The following GLRA1 variants were observed in gnomAD, a reference collection of about 807,000 sequenced individuals.
GLRA1 encodes the protein glycine receptor subunit alpha-1.
In GLRA1, 37 loss-of-function variants were observed where a neutral mutation model predicts 48.3. The observed-to-expected ratio is 0.77, with a 90% CI of 0.59 to 1.01. The LOEUF (loss-of-function observed/expected upper bound fraction) is 1.01. GLRA1 is among the 50% of genes least tolerant of loss of function. The pLI, the probability that GLRA1 is intolerant of heterozygous loss-of-function variation, is 0.00. For synonymous variants in GLRA1, 196 were observed against 210.7 expected (o/e 0.93, Z 0.60); for missense variants, 427 against 571.0 (o/e 0.75, Z 2.57).
chr5:151,906,024 G>T (rs896406029), intron 1 of GLRA1, among the ~76,000 whole-genome samples: 5 of 152,146 alleles, frequency 3.3e-5, no homozygotes, highest in Non-Finnish European at 5.9e-5. Flanking sequence ...GAAATGGGGG[G>T]TGGGATAACA....
intron 3 of GLRA1, among the ~76,000 whole-genome samples, chr5:151,863,814 T>A (rs555510071): frequency 6.6e-6 from 1 of 152,196 alleles, no homozygotes; most frequent in Non-Finnish European, 1.5e-5. Flanking sequence ...CCCTCACCCC[T>A]GCTCAATTCC....
chr5:151,842,812 T>C (rs903166776), intron 7 of GLRA1, among the ~76,000 whole-genome samples: 1 of 152,230 alleles, frequency 6.6e-6, no homozygotes, highest in African/African-American at 2.4e-5. Context: ...AAGCCATCTC[T>C]ATTTGTACAT....
At chr5:151,844,242 TA>T (rs1284800642) in intron 7 of GLRA1, among the ~76,000 whole-genome samples, 2 of 151,714 alleles carry the variant, frequency 1.3e-5, no homozygotes, top group Non-Finnish European at 2.9e-5. Flanking sequence ...GCCAAAGACC[TA>T]AACATAAGAG....
At chr5:151,863,219 A>G (rs995494976) in intron 3 of GLRA1, among the ~76,000 whole-genome samples, 1 of 152,306 alleles carries the variant, frequency 6.6e-6, no homozygotes, top group East Asian at 1.9e-4. Flanking sequence ...CCTGGCCAAC[A>G]TGATGATACC....
At chr5:151,871,421 A>G (rs1308788717) in intron 3 of GLRA1, among the ~76,000 whole-genome samples, 4 of 149,792 alleles carry the variant, frequency 2.7e-5, no homozygotes, top group South Asian at 4.2e-4. Flanking sequence ...ATTTAAAAAA[A>G]TCAAAAACTT....
chr5:151,923,540 T>A (rs567854543), intron 1 of GLRA1, among the ~76,000 whole-genome samples: 1 of 152,334 alleles, frequency 6.6e-6, no homozygotes, highest in East Asian at 1.9e-4. Context: ...TAAGTGGAAT[T>A]TATCATAGCC....
rs555978751 is a variant in GLRA1, at chr5:151,827,438, G to T, written c.1059+1483C>A. On this transcript the variant is annotated intron_variant, in intron 8 of 8. Coordinates refer to ENST00000274576, the MANE Select transcript of GLRA1 (RefSeq NM_000171.4). Reference sequence around the variant, plus strand: ...AAGAAACATACTGATGGAAATGTGTGTATATGTAATCATTTTAATCCTTGG... The same window carrying T: ...AAGAAACATACTGATGGAAATGTGTTTATATGTAATCATTTTAATCCTTGG... 9.2e-5 allele frequency among the ~76,000 whole-genome samples: 14 copies of T among 152,268 alleles called. No homozygotes were observed. The South Asian group carries it at 2.7e-3, about 29-fold the overall frequency.
intron 1 of GLRA1, among the ~76,000 whole-genome samples, chr5:151,905,889 C>T (rs1159647721): frequency 6.6e-6 from 1 of 152,216 alleles, no homozygotes; most frequent in Admixed American, 6.5e-5. Context: ...AGAAGCCCAA[C>T]ATTGCTTCGT....
intron 5 of GLRA1, among the ~76,000 whole-genome samples, chr5:151,855,681 C>G (rs1297485512): frequency 6.6e-6 from 1 of 152,236 alleles, no homozygotes; most frequent in East Asian, 1.9e-4. Context: ...TGATTCCCCT[C>G]ACGGGTAGTG....
chr5:151,893,156 G>T (rs556090503), intron 1 of GLRA1, among the ~76,000 whole-genome samples: 1 of 152,060 alleles, frequency 6.6e-6, no homozygotes, highest in Non-Finnish European at 1.5e-5. Flanking sequence ...GTCAAACAGG[G>T]ATGCATTACA....
At chr5:151,855,753 T>C (rs1581620294) in intron 5 of GLRA1, among the ~76,000 whole-genome samples, 2 of 152,344 alleles carry the variant, frequency 1.3e-5, no homozygotes, top group African/African-American at 4.8e-5. Context: ...TTCTGTATTT[T>C]TAAGTTAGTC....
intron 2 of GLRA1, among the ~76,000 whole-genome samples, chr5:151,889,643 C>T (rs901667888): frequency 2.0e-5 from 3 of 152,134 alleles, no homozygotes; most frequent in East Asian, 1.9e-4. Flanking sequence ...TGGATCCCTC[C>T]GTAGAGGTTT....
At chr5:151,857,330 T>C (rs1359798960) in intron 4 of GLRA1, among the ~76,000 whole-genome samples, 1 of 152,242 alleles carries the variant, frequency 6.6e-6, no homozygotes, top group African/African-American at 2.4e-5. Context: ...ATAGGTTGCC[T>C]CAAGTGACAC....
rs1205185663 is a variant in GLRA1, at chr5:151,855,002, G to GT, written c.697+37_697+38insA. On this transcript the variant is annotated intron_variant, in intron 6 of 8. Coordinates refer to ENST00000274576, the MANE Select transcript of GLRA1 (RefSeq NM_000171.4). Reference sequence around the variant, plus strand: ...TCTGAAATGACCTCTGGTCCTGGTTGGGGGGTGGGATCTGAGGAGGGTGGC... The same window carrying GT: ...TCTGAAATGACCTCTGGTCCTGGTTGTGGGGGTGGGATCTGAGGAGGGTGGC... The GT allele has an allele frequency of 2.5e-6, 4 of 1,589,066 alleles. No individual in the cohort carries two copies. The African/African-American group carries it at 4.8e-5, about 19-fold the overall frequency.
At chr5:151,901,240 C>A (rs1481259597) in intron 1 of GLRA1, among the ~76,000 whole-genome samples, 1 of 152,148 alleles carries the variant, frequency 6.6e-6, no homozygotes, top group African/African-American at 2.4e-5. Flanking sequence ...CTACCACAAC[C>A]ATCTCACTTT....
intron 3 of GLRA1, among the ~76,000 whole-genome samples, chr5:151,872,912 T>C (rs760585079): frequency 6.7e-6 from 1 of 149,562 alleles, no homozygotes; most frequent in African/African-American, 2.6e-5. Context: ...CCTACTTATA[T>C]AAAGACATGT....
At chr5:151,886,004 A>G (rs1289466566) in intron 3 of GLRA1, among the ~76,000 whole-genome samples, 1 of 152,150 alleles carries the variant, frequency 6.6e-6, no homozygotes, top group Non-Finnish European at 1.5e-5. Flanking sequence ...GGCTGCCCTG[A>G]TTATTTTTTT....
intron 1 of GLRA1, among the ~76,000 whole-genome samples, chr5:151,911,600 G>GTTTTTTTTTTT (rs768033241): frequency 1.1e-5 from 1 of 92,364 alleles, no homozygotes; most frequent in Admixed American, 1.2e-4. Context: ...CCAAGCTAGA[G>GTTTTTTTTTTT]TTTTTTTTTT....
intron 7 of GLRA1, among the ~76,000 whole-genome samples, chr5:151,835,838 C>T (rs772327162): frequency 6.6e-6 from 1 of 152,156 alleles, no homozygotes; most frequent in African/African-American, 2.4e-5. Context: ...TTATGACAAA[C>T]CTGCAGCCAG....
Sources: gnomAD v4.1 joint callset for allele counts (sites outside exome capture counted in the v4.1 genomes callset) on GRCh38, gnomAD v4.1.1 for gene constraint, MANE v1.5 for transcripts, NCBI Gene and HGNC (gene_info 2026-07-23, HGNC 2026-07-21) for gene names.